Variants in DOCK2 observed in about 807,000 individuals in gnomAD.
The protein encoded by DOCK2 is dedicator of cytokinesis 2, also known as dedicator of cytokinesis protein 2.
DOCK2 carries 87 observed loss-of-function variants against 248.9 expected under a neutral mutation model. The observed-to-expected ratio is 0.35, with a 90% CI of 0.29 to 0.42. DOCK2 has a LOEUF of 0.42. DOCK2 is among the 10% of genes least tolerant of loss of function. The pLI is 1.00. For synonymous variants in DOCK2, 805 were observed against 821.6 expected (o/e 0.98, Z 0.35); for missense variants, 1,747 against 2,300.2 (o/e 0.76, Z 4.92).
At chr5:169,964,217 T>G (rs1481291582) in intron 27 of DOCK2, among the ~76,000 whole-genome samples, 1 of 152,184 alleles carries the variant, frequency 6.6e-6, no homozygotes, top group Non-Finnish European at 1.5e-5. Context: ...CTGTGCTTTA[T>G]CCTCGGTGAC....
Position 169,985,811 on chromosome 5 carries a change from GT to G in DOCK2, c.2899-16del, listed in dbSNP as rs762050403. The G allele has an allele frequency of 3.8e-6, 6 of 1,598,430 alleles. No individual in the cohort carries two copies. The South Asian group carries it at 6.8e-5, about 18-fold the overall frequency. ...TGTAAAACAGGATGACATGTGTGCT[GT>G]GCTTCATTGTTTCAGGACTTCTTGA... On this transcript the variant is annotated splice_polypyrimidine_tract_variant and intron_variant, in intron 28 of 51. Transcript: ENST00000520908.
At chr5:169,768,583 G>A (rs1397221285) in intron 25 of DOCK2, among the ~76,000 whole-genome samples, 2 of 152,198 alleles carry the variant, frequency 1.3e-5, no homozygotes, top group African/African-American at 2.4e-5. Context: ...CTGGGAGGGG[G>A]ATGAGGCTCT....
At chr5:169,836,364 C>G (rs1769583781) in intron 26 of DOCK2, among the ~76,000 whole-genome samples, 2 of 152,080 alleles carry the variant, frequency 1.3e-5, no homozygotes, top group African/African-American at 4.8e-5. Flanking sequence ...TAAATTTTCT[C>G]CAGAGTAATA....
chr5:169,767,340 T>A (rs940188719), intron 25 of DOCK2, among the ~76,000 whole-genome samples: 1 of 152,226 alleles, frequency 6.6e-6, no homozygotes, highest in Non-Finnish European at 1.5e-5. Context: ...CTGTAGGTCG[T>A]CCATTTACTC....
At chr5:169,929,979 GTTTA>G (rs755922614) in intron 27 of DOCK2, among the ~76,000 whole-genome samples, 19 of 151,354 alleles carry the variant, frequency 1.3e-4, no homozygotes, top group East Asian at 1.2e-3. Context: ...AACTTTATTT[GTTTA>G]TTTATTTATT....
At chr5:169,987,745 C>T (rs746688825) in intron 29 of DOCK2, among the ~76,000 whole-genome samples, 7 of 152,174 alleles carry the variant, frequency 4.6e-5, no homozygotes, top group East Asian at 1.9e-4. Flanking sequence ...AATTTCCTAA[C>T]GGACCTAATA....
intron 27 of DOCK2, among the ~76,000 whole-genome samples, chr5:169,850,547 G>T (rs1046232625): frequency 3.0e-4 from 23 of 75,464 alleles, no homozygotes; most frequent in Non-Finnish European, 5.0e-4. Flanking sequence ...AAAGAAAATA[G>T]TAAAAAAAAT....
At chr5:169,864,609 A>G in intron 27 of DOCK2, 2 of 633,776 alleles carry the variant, frequency 3.2e-6, no homozygotes, top group East Asian at 2.9e-5. Context: ...GACCTTGGGA[A>G]AGTGATGCCA....
At chr5:169,887,220 A>G (rs1196619340) in intron 27 of DOCK2, among the ~76,000 whole-genome samples, 3 of 152,180 alleles carry the variant, frequency 2.0e-5, no homozygotes, top group African/African-American at 7.2e-5. Flanking sequence ...GTCAGTCATT[A>G]TTCTGGTGTT....
At chr5:169,934,504 A>G (rs893866541) in intron 27 of DOCK2, 1 of 393,420 alleles carries the variant, frequency 2.5e-6, no homozygotes, top group Non-Finnish European at 5.2e-6. Context: ...AGGAGATGGA[A>G]TGCTTATCAG....
intron 26 of DOCK2, among the ~76,000 whole-genome samples, chr5:169,832,778 A>C (rs1384472178): frequency 2.6e-5 from 4 of 152,182 alleles, no homozygotes; most frequent in African/African-American, 9.7e-5. Context: ...TCCATAGAAC[A>C]CAGAATGGAC....
intron 25 of DOCK2, among the ~76,000 whole-genome samples, chr5:169,778,564 A>T (rs1005694504): frequency 1.3e-5 from 2 of 152,164 alleles, no homozygotes; most frequent in African/African-American, 4.8e-5. Flanking sequence ...GCCCTGTCTA[A>T]CTTTCTCTCT....
intron 9 of DOCK2, 80 bp from the exon 10 acceptor site, chr5:169,695,723 T>A: frequency 6.3e-7 from 1 of 1,581,502 alleles, no homozygotes; most frequent in Non-Finnish European, 8.6e-7. Context: ...CCTCAGAAAT[T>A]ACTATTACTG....
At chr5:169,992,382 T>C (rs1303167015) in intron 29 of DOCK2, among the ~76,000 whole-genome samples, 1 of 152,232 alleles carries the variant, frequency 6.6e-6, no homozygotes, top group Non-Finnish European at 1.5e-5. Flanking sequence ...TTTCAACAAT[T>C]CAGGTTCATT....
intron 27 of DOCK2, among the ~76,000 whole-genome samples, chr5:169,925,078 A>ATTTCTCTATTTCTCTATTTCTCTAT (rs1775362760): frequency 2.0e-5 from 3 of 152,038 alleles, no homozygotes; most frequent in Admixed American, 1.3e-4. Flanking sequence ...TTTCTCTATT[A>ATTTCTCTATTTCTCTATTTCTCTAT]TTCTTTTTCT....
intron 25 of DOCK2, among the ~76,000 whole-genome samples, chr5:169,785,787 C>T (rs947625600): frequency 1.3e-5 from 2 of 152,206 alleles, no homozygotes; most frequent in African/African-American, 4.8e-5. Context: ...CATGCCCCCT[C>T]TTCCTGTGGG....
chr5:169,961,208 G>A (rs1015869832), intron 27 of DOCK2, among the ~76,000 whole-genome samples: 1 of 152,170 alleles, frequency 6.6e-6, no homozygotes, highest in Non-Finnish European at 1.5e-5. Flanking sequence ...CCCCCCAAGG[G>A]CAATTAATGG....
At chr5:169,699,252 T>C (rs1760816004) in intron 11 of DOCK2, 130 bp from the exon 12 acceptor site, 16 of 723,876 alleles carry the variant, frequency 2.2e-5, no homozygotes, top group Non-Finnish European at 2.9e-5. Context: ...GGCATGTATA[T>C]ACCCTGGGCT....
intron 9 of DOCK2, among the ~76,000 whole-genome samples, chr5:169,691,356 G>T (rs1406674585): frequency 6.6e-6 from 1 of 152,132 alleles, no homozygotes; most frequent in Admixed American, 6.5e-5. Flanking sequence ...TGGGGACAGT[G>T]ATCCAGACCA....
Sources: gnomAD v4.1 joint callset for allele counts (sites outside exome capture counted in the v4.1 genomes callset) on GRCh38, gnomAD v4.1.1 for gene constraint, MANE v1.5 for transcripts, NCBI Gene and HGNC (gene_info 2026-07-23, HGNC 2026-07-21) for gene names.